Variants in ADARB2 observed in about 807,000 individuals in gnomAD.
The protein encoded by ADARB2 is inactive double-stranded RNA-specific editase B2.
A neutral mutation model predicts 62.2 loss-of-function variants in ADARB2; 25 were observed. The observed-to-expected ratio is 0.40, with a 90% CI of 0.29 to 0.56. The LOEUF is 0.56. Ranked by LOEUF, ADARB2 falls within the 20% of genes least tolerant of loss-of-function variation. ADARB2 has a pLI of 0.43. For missense variants in ADARB2, 1,071 were observed against 1,077.4 expected, an observed-to-expected ratio of 0.99 and a Z score of 0.08; for synonymous variants, 572 against 500.8, an observed-to-expected ratio of 1.14 and a Z score of -1.90.
intron 1 of ADARB2, among the ~76,000 whole-genome samples, chr10:1,404,120 G>A (rs1370550092): frequency 6.6e-6 from 1 of 152,208 alleles, no homozygotes. Context: ...CCAGCGCAGG[G>A]CCCCTGCCAC....
chr10:1,287,868 A>AG (rs1476081322), intron 3 of ADARB2, among the ~76,000 whole-genome samples: 1 of 152,206 alleles, frequency 6.6e-6, no homozygotes, highest in Non-Finnish European at 1.5e-5. Context: ...TTCTGATCTA[A>AG]GCGTTCCTTC....
At chr10:1,566,060 T>A (rs1832857331) in intron 1 of ADARB2, among the ~76,000 whole-genome samples, 1 of 97,988 alleles carries the variant, frequency 1.0e-5, no homozygotes, top group Non-Finnish European at 1.9e-5. Flanking sequence ...GAGCTCAGTC[T>A]AGCAAAAAAA....
chr10:1,521,543 C>G (rs928667338), intron 1 of ADARB2, among the ~76,000 whole-genome samples: 1 of 152,194 alleles, frequency 6.6e-6, no homozygotes. Context: ...TGATGCCTCT[C>G]CGGCATTAAC....
In ADARB2 at chr10:1,352,801, C is replaced by T. The variant is rs113822719; in HGVS notation, c.1077+10227G>A. On this transcript the variant is annotated intron_variant, in intron 3 of 9. Coordinates refer to ENST00000381312, the MANE Select transcript of ADARB2 (RefSeq NM_018702.4). ...CTGGCCTGGACTTCAATCCAGCCTC[C>T]CACATTATTCCAGATACCACACCTG... Among the ~76,000 whole-genome samples, 10 of 152,314 alleles carry T rather than the reference C, an allele frequency of 6.6e-5. 1 individual carries two copies. The highest frequency in any genetic ancestry group is 2.4e-4 in the African/African-American group (10 of 41,574).
At chr10:1,372,544 A>T (rs1032060905) in intron 2 of ADARB2, among the ~76,000 whole-genome samples, 2 of 152,196 alleles carry the variant, frequency 1.3e-5, no homozygotes, top group African/African-American at 4.8e-5. Context: ...TGACCATGAA[A>T]GACACTGTAA....
chr10:1,278,011 C>G (rs1273685351), intron 3 of ADARB2, among the ~76,000 whole-genome samples: 2 of 151,884 alleles, frequency 1.3e-5, no homozygotes, highest in Non-Finnish European at 2.9e-5. Context: ...GTTCTGTCAC[C>G]CAGGCTGGAC....
intron 1 of ADARB2, among the ~76,000 whole-genome samples, chr10:1,650,492 TG>T (rs1318207712): frequency 7.8e-6 from 1 of 128,344 alleles, no homozygotes; most frequent in Non-Finnish European, 1.7e-5. Context: ...AGCCCAGACA[TG>T]ACCACAGCGC....
intron 3 of ADARB2, among the ~76,000 whole-genome samples, chr10:1,314,933 C>T (rs12765310): frequency 6.6e-6 from 1 of 152,052 alleles, no homozygotes; most frequent in African/African-American, 2.4e-5. Flanking sequence ...ATTTTATTAT[C>T]CTAATGGGAA....
intron 1 of ADARB2, among the ~76,000 whole-genome samples, chr10:1,521,765 GC>G (rs1250700486): frequency 2.3e-5 from 3 of 131,362 alleles, no homozygotes; most frequent in African/African-American, 8.1e-5. Context: ...GCTGGAAGGG[GC>G]ACCCCCCCAT....
chr10:1,295,991 T>C (rs1309066284), intron 3 of ADARB2, among the ~76,000 whole-genome samples: 3 of 152,186 alleles, frequency 2.0e-5, no homozygotes, highest in East Asian at 3.9e-4. Context: ...TGGGGTGATA[T>C]TGACTGGCCT....
chr10:1,695,811 C>A (rs1834734024), intron 1 of ADARB2, among the ~76,000 whole-genome samples: 1 of 151,662 alleles, frequency 6.6e-6, no homozygotes. Context: ...TATATATGTA[C>A]ATGTGTTTGT....
chr10:1,603,764 A>T (rs1302461309), intron 1 of ADARB2, among the ~76,000 whole-genome samples: 1 of 150,922 alleles, frequency 6.6e-6, no homozygotes, highest in African/African-American at 2.4e-5. Context: ...TAATTTGCTT[A>T]GGCACAAACT....
intron 1 of ADARB2, among the ~76,000 whole-genome samples, chr10:1,639,811 C>G (rs1004298531): frequency 6.6e-6 from 1 of 152,156 alleles, no homozygotes; most frequent in Admixed American, 6.5e-5. Flanking sequence ...CACTGCACTC[C>G]AGCCTGGATG....
At chr10:1,303,218 C>A (rs1296321403) in intron 3 of ADARB2, among the ~76,000 whole-genome samples, 4 of 151,950 alleles carry the variant, frequency 2.6e-5, no homozygotes, top group Admixed American at 6.6e-5. Flanking sequence ...GGCTCGAGAA[C>A]TACGTGAAGA....
At chr10:1,197,253 A>G (rs185759969) in intron 8 of ADARB2, among the ~76,000 whole-genome samples, 127 of 152,346 alleles carry the variant, frequency 8.3e-4, no homozygotes, top group Non-Finnish European at 1.5e-3. Context: ...ATTTTCCTCA[A>G]CTTAGTGTGA....
At chr10:1,620,821 C>A (rs1833695875) in intron 1 of ADARB2, among the ~76,000 whole-genome samples, 1 of 152,194 alleles carries the variant, frequency 6.6e-6, no homozygotes, top group Non-Finnish European at 1.5e-5. Flanking sequence ...TAAAAATCAC[C>A]TAGTGTAATA....
At chr10:1,590,949 G>A (rs1833244275) in intron 1 of ADARB2, among the ~76,000 whole-genome samples, 1 of 152,220 alleles carries the variant, frequency 6.6e-6, no homozygotes, top group Admixed American at 6.5e-5. Context: ...CCACAGGCGT[G>A]CTACTGAGCA....
At chr10:1,720,835 T>C (rs752680688) in intron 1 of ADARB2, among the ~76,000 whole-genome samples, 51 of 152,176 alleles carry the variant, frequency 3.4e-4, no homozygotes, top group Non-Finnish European at 6.2e-4. Flanking sequence ...GAGGAGCTGG[T>C]ATAAAAGACG....
At chr10:1,539,518 C>T (rs1369573475) in intron 1 of ADARB2, among the ~76,000 whole-genome samples, 4 of 152,230 alleles carry the variant, frequency 2.6e-5, no homozygotes, top group Non-Finnish European at 4.4e-5. Flanking sequence ...GGTCTCATTT[C>T]TCTCAAACAG....
Sources: gnomAD v4.1 joint callset for allele counts (sites outside exome capture counted in the v4.1 genomes callset) on GRCh38, gnomAD v4.1.1 for gene constraint, MANE v1.5 for transcripts, NCBI Gene and HGNC (gene_info 2026-07-23, HGNC 2026-07-21) for gene names.